Variants in UNC5D observed in about 807,000 individuals in gnomAD.
The protein encoded by UNC5D is unc-5 netrin receptor D, also known as netrin receptor UNC5D.
A neutral mutation model predicts 105.4 loss-of-function variants in UNC5D; 39 were observed. The observed-to-expected ratio is 0.37, with a 90% CI of 0.29 to 0.48. The LOEUF (loss-of-function observed/expected upper bound fraction) is 0.48, where lower values mean the gene tolerates loss of function less well. Ranked by LOEUF, UNC5D falls within the 20% of genes least tolerant of loss-of-function variation. UNC5D has a pLI of 0.98. For synonymous variants in UNC5D, 452 were observed against 450.4 expected (o/e 1.00, Z -0.04); for missense variants, 991 against 1,202.4 (o/e 0.82, Z 2.60).
chr8:35,271,741 A>G, intron 1 of UNC5D, among the ~76,000 whole-genome samples: 1 of 73,702 alleles, frequency 1.4e-5, no homozygotes, highest in East Asian at 3.8e-4. Context: ...ATACATATAT[A>G]TTTATACATG....
chr8:35,407,201 A>G (rs1804860974), intron 1 of UNC5D, among the ~76,000 whole-genome samples: 1 of 152,158 alleles, frequency 6.6e-6, no homozygotes, highest in African/African-American at 2.4e-5. Context: ...CATGCAGCCT[A>G]GGTGTGAAGT....
At position 35,780,890 on chromosome 8, in the gene UNC5D, G is replaced by A. The variant is rs146190589; in HGVS notation, c.2657+6413G>A. ...GAATAAGGATGTTTTTATAATTTGA[G>A]AAAGTAAAATCCTAGGAATGATTTA... On this transcript the variant is annotated intron_variant, in intron 16 of 16. Coordinates refer to ENST00000404895, the MANE Select transcript of UNC5D (RefSeq NM_080872.4). Among the ~76,000 whole-genome samples, 44 of 152,274 alleles carry A rather than the reference G, an allele frequency of 2.9e-4. No individual in the cohort carries two copies. In the East Asian group the frequency reaches 3.9e-3, roughly 13 times the overall value.
intron 4 of UNC5D, among the ~76,000 whole-genome samples, chr8:35,608,509 A>G (rs1046453346): frequency 6.6e-6 from 1 of 152,328 alleles, no homozygotes; most frequent in Non-Finnish European, 1.5e-5. Flanking sequence ...CAGGGCTTTC[A>G]GTGTATCCAT....
At chr8:35,432,596 A>G (rs1806716687) in intron 1 of UNC5D, among the ~76,000 whole-genome samples, 1 of 152,196 alleles carries the variant, frequency 6.6e-6, no homozygotes, top group Admixed American at 6.5e-5. Context: ...TTAGCTCATA[A>G]TTCTATGCAA....
At chr8:35,308,532 C>G (rs971323991) in intron 1 of UNC5D, among the ~76,000 whole-genome samples, 1 of 152,052 alleles carries the variant, frequency 6.6e-6, no homozygotes, top group African/African-American at 2.4e-5. Context: ...TCCCCAGTGC[C>G]GTTCAGTGAA....
chr8:35,604,577 T>G (rs187774287), intron 4 of UNC5D, among the ~76,000 whole-genome samples: 2 of 152,090 alleles, frequency 1.3e-5, no homozygotes, highest in Non-Finnish European at 2.9e-5. Flanking sequence ...TTTCCTGAAT[T>G]TGAATGTTGG....
chr8:35,326,623 A>C (rs1810181165), intron 1 of UNC5D, among the ~76,000 whole-genome samples: 1 of 152,158 alleles, frequency 6.6e-6, no homozygotes, highest in Non-Finnish European at 1.5e-5. Context: ...GCTTGGAGGC[A>C]CAAGCCTGTA....
chr8:35,780,722 C>T (rs1427703280), intron 16 of UNC5D, among the ~76,000 whole-genome samples: 1 of 152,152 alleles, frequency 6.6e-6, no homozygotes, highest in African/African-American at 2.4e-5. Context: ...TATGATCACA[C>T]TAAACTAAGC....
chr8:35,302,840 T>G (rs775869662), intron 1 of UNC5D, among the ~76,000 whole-genome samples: 3 of 152,168 alleles, frequency 2.0e-5, no homozygotes, highest in Non-Finnish European at 4.4e-5. Context: ...ATACTTTATA[T>G]GTATACATTT....
intron 4 of UNC5D, among the ~76,000 whole-genome samples, chr8:35,621,480 T>C (rs1821357237): frequency 6.6e-6 from 1 of 152,130 alleles, no homozygotes; most frequent in African/African-American, 2.4e-5. Flanking sequence ...AAGAGTTACA[T>C]GTATTGGGTC....
chr8:35,549,683 G>A (rs781337367), intron 2 of UNC5D, among the ~76,000 whole-genome samples, 173 bp downstream of exon 2: 2 of 152,174 alleles, frequency 1.3e-5, no homozygotes, highest in African/African-American at 2.4e-5. Flanking sequence ...CCCTACAGCT[G>A]CCTTGGTAGT....
chr8:35,293,377 G>A (rs925346302), intron 1 of UNC5D, among the ~76,000 whole-genome samples: 4 of 152,160 alleles, frequency 2.6e-5, no homozygotes, highest in African/African-American at 9.7e-5. Context: ...CATAAAAGAA[G>A]TCAAAAGCAG....
chr8:35,702,547 A>C (rs936611636), intron 7 of UNC5D, among the ~76,000 whole-genome samples: 1 of 152,132 alleles, frequency 6.6e-6, no homozygotes, highest in African/African-American at 2.4e-5. Context: ...AAATTAAAGC[A>C]GAGAGAATGT....
At chr8:35,738,558 T>C (rs185361205) in intron 11 of UNC5D, among the ~76,000 whole-genome samples, 206 of 152,346 alleles carry the variant, frequency 1.4e-3, no homozygotes, top group Non-Finnish European at 2.3e-3. Flanking sequence ...AGCAAACATA[T>C]TAATAGTTGG....
At chr8:35,452,959 G>T (rs182821355) in intron 1 of UNC5D, among the ~76,000 whole-genome samples, 1 of 152,160 alleles carries the variant, frequency 6.6e-6, no homozygotes, top group Non-Finnish European at 1.5e-5. Context: ...TTCAGTATTG[G>T]AACAAATTGA....
Position 35,299,929 on chromosome 8 carries a change from G to C in UNC5D, c.103+64042G>C, listed in dbSNP as rs183062839. 2.0e-5 allele frequency among the ~76,000 whole-genome samples: 3 copies of C among 152,206 alleles called. No individual in the cohort carries two copies. In the East Asian group the frequency reaches 5.8e-4, roughly 29 times the overall value. On this transcript the variant is annotated intron_variant, in intron 1 of 16. Coordinates refer to ENST00000404895, the MANE Select transcript of UNC5D (RefSeq NM_080872.4). ...AAGTGGAAAGGCAAAGTGCAGAAGG[G>C]TTACTCTGAGATATTCCTTACTTAA...
intron 1 of UNC5D, among the ~76,000 whole-genome samples, chr8:35,375,897 T>C (rs1394770687): frequency 6.6e-6 from 1 of 152,226 alleles, no homozygotes; most frequent in Non-Finnish European, 1.5e-5. Context: ...TAATATAATA[T>C]GATTTTCAAT....
chr8:35,765,010 T>C (rs1801701355), intron 14 of UNC5D, among the ~76,000 whole-genome samples: 1 of 152,212 alleles, frequency 6.6e-6, no homozygotes, highest in Non-Finnish European at 1.5e-5. Flanking sequence ...AAGCTACTAG[T>C]GGTATTAGAA....
chr8:35,264,254 AAT>A (rs1804683022), intron 1 of UNC5D, among the ~76,000 whole-genome samples: 1 of 152,230 alleles, frequency 6.6e-6, no homozygotes. Flanking sequence ...CGTGCAAATG[AAT>A]AGAGTGGTTA....
Sources: gnomAD v4.1 joint callset for allele counts (sites outside exome capture counted in the v4.1 genomes callset) on GRCh38, gnomAD v4.1.1 for gene constraint, MANE v1.5 for transcripts, NCBI Gene and HGNC (gene_info 2026-07-23, HGNC 2026-07-21) for gene names.